Variants in CLSTN2 observed in about 807,000 individuals in gnomAD.
CLSTN2 encodes the protein calsyntenin 2, also known as calsyntenin-2.
Under a neutral mutation model 101.2 loss-of-function variants are expected in CLSTN2, and 48 were observed. The observed-to-expected ratio is 0.47, with a 90% CI of 0.38 to 0.60. The LOEUF (loss-of-function observed/expected upper bound fraction) is 0.60. Ranked by LOEUF, CLSTN2 falls within the 20% of genes least tolerant of loss-of-function variation. The pLI is 0.00. For missense variants in CLSTN2, 1,160 were observed against 1,238.2 expected (o/e 0.94, Z 0.95); for synonymous variants, 481 against 463.6 (o/e 1.04, Z -0.48).
At chr3:140,498,261 T>C (rs1349160317) in intron 8 of CLSTN2, among the ~76,000 whole-genome samples, 1 of 152,116 alleles carries the variant, frequency 6.6e-6, no homozygotes, top group Non-Finnish European at 1.5e-5. Flanking sequence ...CAGCCCAAGA[T>C]TTTTTCCAGG....
intron 9 of CLSTN2, 39 bp from the exon 10 acceptor site, chr3:140,546,476 C>T: frequency 6.2e-7 from 1 of 1,601,130 alleles, no homozygotes; most frequent in Non-Finnish European, 8.5e-7. Context: ...GTTTCCTACC[C>T]AGTCTTCACA....
At chr3:140,316,388 C>T (rs1370876209) in intron 2 of CLSTN2, among the ~76,000 whole-genome samples, 3 of 152,160 alleles carry the variant, frequency 2.0e-5, no homozygotes, top group Non-Finnish European at 2.9e-5. Flanking sequence ...TGATCAAGTC[C>T]AAATTCAATA....
At position 140,466,704 on chromosome 3, in the gene CLSTN2, C is replaced by T. The variant is rs139804872; in HGVS notation, c.1317C>T (p.Pro439=). The T allele has an allele frequency of 1.5e-4, 235 of 1,614,106 alleles. No homozygotes were observed. The highest frequency in any genetic ancestry group is 1.5e-3 in the African/African-American group (109 of 75,052). ...KDFDQADTFR[P]AEFHWKLDQI... ...TCGACCAGGCTGACACCTTTCGCCC[C>T]GCGGAGTTCCACTGGAAGCTGGATC... The change falls in exon 8 of 17, where the codon CCC becomes CCT. Residue 439 remains proline (P), a synonymous_variant. Coordinates refer to ENST00000458420, the MANE Select transcript of CLSTN2 (RefSeq NM_022131.3).
intron 2 of CLSTN2, among the ~76,000 whole-genome samples, chr3:140,234,689 G>T (rs752916943): frequency 6.6e-6 from 1 of 152,076 alleles, no homozygotes; most frequent in Non-Finnish European, 1.5e-5. Context: ...GAAGGCTTTG[G>T]TATATCCCAA....
intron 2 of CLSTN2, among the ~76,000 whole-genome samples, chr3:140,248,183 C>T (rs974977464): frequency 6.6e-6 from 1 of 152,150 alleles, no homozygotes; most frequent in Admixed American, 6.5e-5. Context: ...CCATTTCCTG[C>T]GCAGAGCAAA....
intron 2 of CLSTN2, among the ~76,000 whole-genome samples, chr3:140,263,611 A>G (rs2086671833): frequency 6.6e-6 from 1 of 152,220 alleles, no homozygotes; most frequent in Admixed American, 6.5e-5. Flanking sequence ...TATTATTTGT[A>G]CTACAGAGTA....
intron 2 of CLSTN2, among the ~76,000 whole-genome samples, chr3:140,292,311 G>A (rs894004834): frequency 3.9e-5 from 6 of 152,134 alleles, no homozygotes; most frequent in African/African-American, 1.2e-4. Flanking sequence ...TTCCTGTTAC[G>A]AATATCCTGC....
chr3:139,998,439 A>C (rs1211131479), intron 1 of CLSTN2, among the ~76,000 whole-genome samples: 1 of 135,382 alleles, frequency 7.4e-6, no homozygotes, highest in Non-Finnish European at 1.5e-5. Context: ...GGTTCACGCC[A>C]TTCTCCTATT....
At chr3:140,241,944 GT>G (rs1356262000) in intron 2 of CLSTN2, among the ~76,000 whole-genome samples, 1 of 150,398 alleles carries the variant, frequency 6.6e-6, no homozygotes, top group African/African-American at 2.5e-5. Context: ...GTGTCACTTT[GT>G]TGCCCAGGCT....
At chr3:140,165,050 C>T (rs1238873418) in intron 1 of CLSTN2, among the ~76,000 whole-genome samples, 1 of 152,172 alleles carries the variant, frequency 6.6e-6, no homozygotes, top group African/African-American at 2.4e-5. Flanking sequence ...GGATTAATGA[C>T]TCAGCCATCT....
intron 1 of CLSTN2, among the ~76,000 whole-genome samples, chr3:139,975,977 G>C (rs1013664512): frequency 6.6e-6 from 1 of 152,222 alleles, no homozygotes; most frequent in African/African-American, 2.4e-5. Context: ...ACTCAGGTTT[G>C]TGGGTAGCAT....
At chr3:140,258,005 A>G (rs1178334237) in intron 2 of CLSTN2, among the ~76,000 whole-genome samples, 1 of 152,120 alleles carries the variant, frequency 6.6e-6, no homozygotes, top group South Asian at 2.1e-4. Context: ...AAATCCTGCC[A>G]ATACTAAATG....
chr3:139,950,851 C>T (rs746895085), intron 1 of CLSTN2, among the ~76,000 whole-genome samples: 8 of 152,166 alleles, frequency 5.3e-5, no homozygotes, highest in Admixed American at 6.5e-5. Flanking sequence ...GTTGTCAGTT[C>T]GCAGCAACAC....
At chr3:140,401,892 C>T (rs1473559472) in intron 2 of CLSTN2, among the ~76,000 whole-genome samples, 2 of 152,172 alleles carry the variant, frequency 1.3e-5, no homozygotes, top group Admixed American at 6.5e-5. Flanking sequence ...TGTCAGAATG[C>T]ACAGTACTGA....
chr3:140,076,664 G>A (rs1026377252), intron 1 of CLSTN2, among the ~76,000 whole-genome samples: 2 of 113,782 alleles, frequency 1.8e-5, no homozygotes, highest in East Asian at 2.9e-4. Context: ...CCTAGCCTTC[G>A]AGGCCCACCT....
chr3:139,970,990 ATGGTGACTTT>A (rs1935692502), intron 1 of CLSTN2, among the ~76,000 whole-genome samples: 1 of 152,146 alleles, frequency 6.6e-6, no homozygotes, highest in South Asian at 2.1e-4. Flanking sequence ...ATTGCTTTTA[ATGGTGACTTT>A]TTGCCTTGAG....
intron 2 of CLSTN2, among the ~76,000 whole-genome samples, chr3:140,319,614 T>G (rs772874292): frequency 2.0e-5 from 3 of 152,066 alleles, no homozygotes; most frequent in African/African-American, 7.2e-5. Context: ...GGAAGTGGGA[T>G]AGGAAATGGA....
At chr3:139,958,864 C>T (rs1023591550) in intron 1 of CLSTN2, among the ~76,000 whole-genome samples, 3 of 147,824 alleles carry the variant, frequency 2.0e-5, no homozygotes, top group Admixed American at 6.9e-5. Flanking sequence ...TGATGGCATC[C>T]TAGATGTGAT....
intron 16 of CLSTN2, among the ~76,000 whole-genome samples, chr3:140,565,484 C>T (rs1936008208): frequency 6.6e-6 from 1 of 152,084 alleles, no homozygotes; most frequent in African/African-American, 2.4e-5. Context: ...GGAAGGGGTA[C>T]AGCCTGAGGA....
Sources: allele counts gnomAD v4.1 joint callset (sites outside exome capture counted in the v4.1 genomes callset), GRCh38; gene constraint gnomAD v4.1.1; transcripts MANE v1.5; gene names NCBI Gene and HGNC (gene_info 2026-07-23, HGNC 2026-07-21).